Variants in PRDM16 observed in about 807,000 individuals in gnomAD.
The protein encoded by PRDM16 is PR/SET domain 16.
A neutral mutation model predicts 110.6 loss-of-function variants in PRDM16; 23 were observed. The observed-to-expected ratio is 0.21, with a 90% CI of 0.15 to 0.29. The LOEUF (loss-of-function observed/expected upper bound fraction) is 0.29. PRDM16 is among the 10% of genes least tolerant of loss of function. PRDM16 has a pLI of 1.00. For synonymous variants in PRDM16, 799 were observed against 781.8 expected, an observed-to-expected ratio of 1.02 and a Z score of -0.37; for missense variants, 1,615 against 1,794.3, an observed-to-expected ratio of 0.90 and a Z score of 1.81.
intron 6 of PRDM16, 152 bp downstream of exon 6, chr1:3,403,150 AC>A: frequency 1.3e-6 from 1 of 745,752 alleles, no homozygotes; most frequent in East Asian, 2.7e-5. Flanking sequence ...GGTGGGACAC[AC>A]CCTGGGGATA....
intron 1 of PRDM16, among the ~76,000 whole-genome samples, chr1:3,089,462 C>T (rs747095372): frequency 3.3e-5 from 5 of 152,242 alleles, no homozygotes; most frequent in East Asian, 1.9e-4. Flanking sequence ...TAGCAGGAGG[C>T]GGAAGCGGGT....
At chr1:3,369,275 G>A (rs546277467) in intron 3 of PRDM16, among the ~76,000 whole-genome samples, 6 of 152,298 alleles carry the variant, frequency 3.9e-5, no homozygotes, top group South Asian at 2.1e-4. Flanking sequence ...CTAACTTGCC[G>A]ATCTGGCCCA....
intron 2 of PRDM16, among the ~76,000 whole-genome samples, chr1:3,216,462 T>A (rs1639033381): frequency 6.6e-6 from 1 of 152,210 alleles, no homozygotes; most frequent in South Asian, 2.1e-4. Flanking sequence ...CAATATGGCC[T>A]GCGTGGGGAG....
chr1:3,266,619 A>C (rs935037918), intron 3 of PRDM16, among the ~76,000 whole-genome samples: 3 of 152,124 alleles, frequency 2.0e-5, no homozygotes, highest in Non-Finnish European at 2.9e-5. Flanking sequence ...ACGGGCCTGC[A>C]CCCTCCGCCG....
At chr1:3,420,696 G>A (rs887138400) in intron 12 of PRDM16, among the ~76,000 whole-genome samples, 3 of 152,164 alleles carry the variant, frequency 2.0e-5, no homozygotes, top group Non-Finnish European at 4.4e-5. Flanking sequence ...CTGGCCTAGA[G>A]GTCTTTGAGT....
At position 3,262,420 on chromosome 1, in the gene PRDM16, G is replaced by A. The variant is rs536630517; in HGVS notation, c.438+18283G>A. On this transcript the variant is annotated intron_variant, in intron 3 of 16. Transcript: ENST00000270722. Reference sequence around the variant, plus strand: ...CCAGCGGGAAAAATTCAACCAGACCGAGCAGGAGTCTTGCCCTGGGGCCCC... The same window carrying A: ...CCAGCGGGAAAAATTCAACCAGACCAAGCAGGAGTCTTGCCCTGGGGCCCC... 8.3e-4 allele frequency among the ~76,000 whole-genome samples: 126 copies of A among 152,338 alleles called. 1 individual carries two copies. Among genetic ancestry groups the A allele is most frequent in the Admixed American group, 2.4e-3 (37 of 15,304 alleles).
At chr1:3,077,643 G>A (rs983562688) in intron 1 of PRDM16, among the ~76,000 whole-genome samples, 14 of 152,290 alleles carry the variant, frequency 9.2e-5, no homozygotes, top group African/African-American at 3.4e-4. Flanking sequence ...AGTCAGATGG[G>A]GAGTTTTGTT....
At chr1:3,420,088 CG>C (rs1176522869) in intron 12 of PRDM16, among the ~76,000 whole-genome samples, 1 of 152,070 alleles carries the variant, frequency 6.6e-6, no homozygotes, top group African/African-American at 2.4e-5. Context: ...CCTAGAGGGT[CG>C]GGGTGGTGTT....
At chr1:3,225,373 C>T (rs1317825954) in intron 2 of PRDM16, among the ~76,000 whole-genome samples, 1 of 152,074 alleles carries the variant, frequency 6.6e-6, no homozygotes, top group Non-Finnish European at 1.5e-5. Flanking sequence ...ATGTTTGCAC[C>T]CAGGTCTCCT....
At chr1:3,366,218 A>G (rs1386067316) in intron 3 of PRDM16, among the ~76,000 whole-genome samples, 1 of 152,242 alleles carries the variant, frequency 6.6e-6, no homozygotes, top group Non-Finnish European at 1.5e-5. Context: ...CTTTCCTGCC[A>G]CTGAGCACGA....
chr1:3,395,438 G>T (rs1447461324), intron 4 of PRDM16, among the ~76,000 whole-genome samples: 1 of 152,152 alleles, frequency 6.6e-6, no homozygotes, highest in African/African-American at 2.4e-5. Flanking sequence ...GGGGCAGGTG[G>T]ATTTCCCTTG....
rs12049194 is a variant in PRDM16 at position 3,402,973 on chromosome 1, G to A, written c.859G>A (p.Glu287Lys). Residue 287 changes from glutamate to lysine, a missense_variant, in exon 6 of 17, where the codon GAG (glutamate) becomes AAG (lysine). By Grantham distance (56) the Glu-to-Lys change is moderately conservative (BLOSUM62 1). Transcript: ENST00000270722. ...SGQAHECKDC[E>K]RMFPNKYSLE... ...CCAAGCCCACGAGTGCAAGGACTGC[G>A]AGCGGATGTTCCCCAACAAGTACAG... The A allele has an allele frequency of 1.2e-6, 2 of 1,611,604 alleles. No individual in the cohort carries two copies. The highest frequency in any genetic ancestry group is 1.1e-5 in the South Asian group (1 of 91,040).
At chr1:3,082,583 C>G (rs531243589) in intron 1 of PRDM16, among the ~76,000 whole-genome samples, 1 of 152,242 alleles carries the variant, frequency 6.6e-6, no homozygotes, top group Non-Finnish European at 1.5e-5. Flanking sequence ...GAGGGTCACT[C>G]CTGGACTCCC....
At chr1:3,345,820 C>A (rs376285347) in intron 3 of PRDM16, among the ~76,000 whole-genome samples, 3 of 74,236 alleles carry the variant, frequency 4.0e-5, no homozygotes, top group South Asian at 5.1e-4. Context: ...TCCTGTGCTG[C>A]CCTCTCGGGT....
chr1:3,133,204 G>C (rs1643369908), intron 1 of PRDM16: 1 of 152,258 alleles, frequency 6.6e-6, no homozygotes, highest in Non-Finnish European at 1.5e-5. Flanking sequence ...AGGTTCCAGG[G>C]CAGGAGCTGC....
At chr1:3,119,870 G>A (rs1417533372) in intron 1 of PRDM16, among the ~76,000 whole-genome samples, 1 of 152,222 alleles carries the variant, frequency 6.6e-6, no homozygotes, top group African/African-American at 2.4e-5. Context: ...GCAGTGTGCG[G>A]GGGAGAGGGA....
At chr1:3,331,262 G>C (rs1032951111) in intron 3 of PRDM16, among the ~76,000 whole-genome samples, 2 of 152,128 alleles carry the variant, frequency 1.3e-5, no homozygotes, top group Non-Finnish European at 2.9e-5. Context: ...CCAGCCTGGG[G>C]GGGGCGCATA....
chr1:3,112,000 A>G (rs1359128555), intron 1 of PRDM16, among the ~76,000 whole-genome samples: 1 of 152,200 alleles, frequency 6.6e-6, no homozygotes, highest in African/African-American at 2.4e-5. Context: ...ACCGGCCTTG[A>G]TAAATGTCAG....
At chr1:3,276,701 C>CGTGAACAGAGCCAGCGAGGGGTGCT (rs1640592693) in intron 3 of PRDM16, among the ~76,000 whole-genome samples, 10 of 151,944 alleles carry the variant, frequency 6.6e-5, no homozygotes, top group Admixed American at 6.5e-4. Flanking sequence ...CGAGGGGTGC[C>CGTGAACAGAGCCAGCGAGGGGTGCT]GTGAACAGAG....
Sources: allele counts gnomAD v4.1 joint callset (sites outside exome capture counted in the v4.1 genomes callset), GRCh38; gene constraint gnomAD v4.1.1; transcripts MANE v1.5; gene names NCBI Gene and HGNC (gene_info 2026-07-23, HGNC 2026-07-21).